The following LRRFIP1 variants were observed in gnomAD, a reference collection of about 807,000 sequenced individuals.
LRRFIP1 encodes leucine-rich repeat flightless-interacting protein 1.
A neutral mutation model predicts 104.4 loss-of-function variants in LRRFIP1; 62 were observed. That is an observed-to-expected ratio of 0.59 (90% CI 0.48 to 0.73). The LOEUF (loss-of-function observed/expected upper bound fraction) is 0.73. LRRFIP1 is among the 30% of genes least tolerant of loss of function. The probability of loss-of-function intolerance (pLI) is 0.00; values close to 1 mark genes in which losing one functional copy is unlikely to be tolerated. For synonymous variants in LRRFIP1, 300 were observed against 299.0 expected, an observed-to-expected ratio of 1.00 and a Z score of -0.03; for missense variants, 796 against 824.5, an observed-to-expected ratio of 0.97 and a Z score of 0.42.
chr2:237,632,238 G>A (rs747833747), intron 1 of LRRFIP1, among the ~76,000 whole-genome samples: 1 of 152,238 alleles, frequency 6.6e-6, no homozygotes, highest in Non-Finnish European at 1.5e-5. Context: ...TGGAGAAGGG[G>A]TTGCATTGCC....
intron 19 of LRRFIP1, chr2:237,764,298 T>G: frequency 6.5e-7 from 1 of 1,535,442 alleles, no homozygotes; most frequent in South Asian, 1.3e-5. Flanking sequence ...CTGTTACTTG[T>G]AGATTTCCAT....
At chr2:237,642,535 G>T (rs2084164502) in intron 1 of LRRFIP1, among the ~76,000 whole-genome samples, 1 of 151,810 alleles carries the variant, frequency 6.6e-6, no homozygotes, top group South Asian at 2.1e-4. Flanking sequence ...AAGGGTTTCA[G>T]GTTCCAGGTT....
intron 1 of LRRFIP1, among the ~76,000 whole-genome samples, chr2:237,634,775 G>A (rs1449327479): frequency 6.6e-6 from 1 of 151,854 alleles, no homozygotes; most frequent in African/African-American, 2.4e-5. Flanking sequence ...CTTTTTCATT[G>A]CTCATCTGCC....
intron 1 of LRRFIP1, among the ~76,000 whole-genome samples, chr2:237,692,912 C>A (rs2092915639): frequency 6.6e-6 from 1 of 152,238 alleles, no homozygotes; most frequent in Admixed American, 6.5e-5. Context: ...GGTGCCCTCA[C>A]CCGCTGTTGG....
intron 1 of LRRFIP1, among the ~76,000 whole-genome samples, chr2:237,681,308 T>G (rs559538507): frequency 6.6e-6 from 1 of 152,370 alleles, no homozygotes; most frequent in East Asian, 1.9e-4. Context: ...AGAGCAGCCC[T>G]GTGTTTATTC....
At position 237,739,088 on chromosome 2, in the gene LRRFIP1, C is replaced by T. The variant is rs544030501; in HGVS notation, c.556-144C>T. On this transcript the variant is annotated intron_variant, in intron 10 of 23. Coordinates refer to ENST00000308482, the MANE Select transcript of LRRFIP1 (RefSeq NM_001137550.2). ...TTTGAATATGCGTTTGCTGTCTAAC[C>T]CTAACTCTCTTTTCCTTGCCGTGCG... is the stretch of plus-strand genomic sequence containing the variant. 1.6e-5 allele frequency: 10 copies of T among 643,538 alleles called. No homozygotes were observed. In the East Asian group the frequency reaches 2.2e-4, roughly 14 times the overall value. 39.9% of individuals were successfully genotyped at this position (643,538 alleles called of 1,614,324 possible).
intron 15 of LRRFIP1, among the ~76,000 whole-genome samples, chr2:237,754,995 C>T (rs2059105124): frequency 6.6e-6 from 1 of 152,198 alleles, no homozygotes; most frequent in Non-Finnish European, 1.5e-5. Flanking sequence ...CCAGCCACCC[C>T]CAAGCTAAAG....
chr2:237,627,924 C>G (rs572041720), intron 1 of LRRFIP1, among the ~76,000 whole-genome samples, 184 bp downstream of exon 1: 2,147 of 150,944 alleles, frequency 0.014, 107 homozygotes, highest in Admixed American at 0.096. Flanking sequence ...GCCCCGGCCC[C>G]GATCTCCGAG....
intron 1 of LRRFIP1, among the ~76,000 whole-genome samples, chr2:237,700,314 A>G (rs2093444192): frequency 6.6e-6 from 1 of 152,138 alleles, no homozygotes; most frequent in African/African-American, 2.4e-5. Flanking sequence ...GAAGAATCGC[A>G]CAAGGACCGA....
At chr2:237,636,571 A>T (rs2083158480) in intron 1 of LRRFIP1, among the ~76,000 whole-genome samples, 2 of 152,050 alleles carry the variant, frequency 1.3e-5, no homozygotes, top group Non-Finnish European at 2.9e-5. Flanking sequence ...GTTTTCCTGA[A>T]AATTTTTTTG....
chr2:237,773,017 G>A, intron 22 of LRRFIP1, 72 bp downstream of exon 22: 1 of 1,303,442 alleles, frequency 7.7e-7, no homozygotes, highest in Non-Finnish European at 1.1e-6. Flanking sequence ...GCCCTGAAAG[G>A]CTGAGGACCA....
intron 23 of LRRFIP1, among the ~76,000 whole-genome samples, chr2:237,778,292 C>T (rs558916525): frequency 6.6e-6 from 1 of 152,328 alleles, no homozygotes; most frequent in Admixed American, 6.5e-5. Flanking sequence ...CCCAAACAAG[C>T]TTCCTTGAGT....
intron 1 of LRRFIP1, among the ~76,000 whole-genome samples, chr2:237,652,659 C>T (rs1247146830): frequency 7.2e-5 from 11 of 152,206 alleles, no homozygotes; most frequent in Admixed American, 7.2e-4. Context: ...GCAGCATATA[C>T]ACTAGCAACA....
At chr2:237,728,655 T>C (rs2150294327) in intron 8 of LRRFIP1, among the ~76,000 whole-genome samples, 1 of 152,338 alleles carries the variant, frequency 6.6e-6, no homozygotes, top group South Asian at 2.1e-4. Flanking sequence ...TGTGAAATGG[T>C]CTAAAAATTT....
intron 11 of LRRFIP1, among the ~76,000 whole-genome samples, chr2:237,747,266 G>A (rs188486561): frequency 1.3e-5 from 2 of 152,338 alleles, no homozygotes; most frequent in Admixed American, 6.5e-5. Context: ...TGTTGTTTTA[G>A]TGTTGCTCCA....
At position 237,756,022 on chromosome 2, in the gene LRRFIP1, A is replaced by G. The variant is rs577271647; in HGVS notation, c.1039-73A>G. 3.6e-5 allele frequency: 33 copies of G among 917,062 alleles called. No homozygotes were observed. The East Asian group carries it at 8.1e-4, about 23-fold the overall frequency. The allele number at this position is 917,062 out of a possible 1,614,324, so 56.8% of individuals were successfully genotyped here. On this transcript the variant is annotated intron_variant, in intron 15 of 23. Transcript: ENST00000308482. Reference sequence around the variant, plus strand: ...GTGATTTGTTCCACAGAAACTATAAATCGTGAGAGCCTGAACTGGCATGCC... The same window carrying G: ...GTGATTTGTTCCACAGAAACTATAAGTCGTGAGAGCCTGAACTGGCATGCC...
Position 237,649,237 on chromosome 2 carries a change from C to T in LRRFIP1, c.96+21497C>T, listed in dbSNP as rs1272367571. ...CCCCACCCACAGCTGTGCCCAGCTA[C>T]GAACACTGTAGGCCGGGCGCGATGG... On this transcript the variant is annotated intron_variant, in intron 1 of 23. Coordinates refer to ENST00000308482, the MANE Select transcript of LRRFIP1 (RefSeq NM_001137550.2). This position sits in a 1 kb window ranked among gnomAD's most constrained non-coding sequence, Gnocchi z 4.1. Among the ~76,000 whole-genome samples the T allele has an allele frequency of 4.6e-5, 7 of 151,366 alleles. No individual in the cohort carries two copies. The highest frequency in any genetic ancestry group is 1.2e-4 in the African/African-American group (5 of 41,330).
chr2:237,731,295 G>A (rs753386212), intron 8 of LRRFIP1, among the ~76,000 whole-genome samples: 12 of 152,116 alleles, frequency 7.9e-5, no homozygotes, highest in Non-Finnish European at 1.8e-4. Context: ...TTTCCCTCCC[G>A]GGGGGTTGGG....
Position 237,779,890 on chromosome 2 carries a change from T to C in LRRFIP1, c.*358T>C, listed in dbSNP as rs1482397622. 5.9e-6 allele frequency: 1 copy of C among 169,844 alleles called. No individual in the cohort carries two copies. Among genetic ancestry groups the C allele is most frequent in the Non-Finnish European group, 1.3e-5 (1 of 78,426 alleles). The allele number at this position is 169,844 out of a possible 1,614,324, so 10.5% of individuals were successfully genotyped here. ...TCAGTTGGGACTTGAGTTTTTTTTT[T>C]TTTTCATGTGTCTTGCTGAAGATTA... On this transcript the variant is annotated 3_prime_UTR_variant, in exon 24 of 24. Transcript: ENST00000308482.
Sources: allele counts gnomAD v4.1 joint callset (sites outside exome capture counted in the v4.1 genomes callset), GRCh38; gene constraint gnomAD v4.1.1; non-coding constraint Gnocchi (gnomAD v3.1); transcripts MANE v1.5; gene names NCBI Gene and HGNC (gene_info 2026-07-23, HGNC 2026-07-21).